Variants in NT5DC4 observed in about 807,000 individuals in gnomAD.
The protein encoded by NT5DC4 is 5'-nucleotidase domain-containing protein 4.
In NT5DC4, 44 loss-of-function variants were observed where a neutral mutation model predicts 26.6. The ratio of observed to expected loss-of-function variants is 1.65; its 90% CI spans 1.30 to 2.13. The LOEUF is 2.13. Among genes scored for constraint, NT5DC4 ranks in the 30% most tolerant of loss-of-function variants. The pLI is 0.00. For synonymous variants in NT5DC4, 157 were observed against 86.7 expected, an observed-to-expected ratio of 1.81 and a Z score of -4.51; for missense variants, 399 against 228.1, an observed-to-expected ratio of 1.75 and a Z score of -4.83.
intron 6 of NT5DC4, 90 bp from the exon 7 acceptor site, chr2:112,722,991 C>T (rs1677136777): frequency 2.0e-6 from 1 of 489,088 alleles, no homozygotes; most frequent in African/African-American, 2.5e-5. Flanking sequence ...CCCAGTGTGG[C>T]TGGTGGGGTT....
chr2:112,721,312 A>G (rs2063918), intron 1 of NT5DC4, among the ~76,000 whole-genome samples, 159 bp downstream of exon 1: 145,871 of 152,322 alleles, frequency 0.96, 70,156 homozygotes, highest in East Asian at 1. Flanking sequence ...CATAGCTGTA[A>G]CAACCCATCA....
intron 16 of NT5DC4, among the ~76,000 whole-genome samples, chr2:112,735,488 C>CT (rs1024894374): frequency 3.3e-5 from 4 of 121,700 alleles, no homozygotes; most frequent in African/African-American, 9.9e-5. Context: ...ATCCTCCCCC[C>CT]CCTTTTTTTC....
At chr2:112,729,522 G>A (rs1368237842) in intron 15 of NT5DC4, 105 bp from the exon 16 acceptor site, 10 of 680,988 alleles carry the variant, frequency 1.5e-5, no homozygotes, top group Non-Finnish European at 2.8e-5. Context: ...TCGTTGGGCA[G>A]GAAGTTGGCA....
chr2:112,729,661 C>T lies in NT5DC4; in HGVS notation c.1301C>T (p.Ala434Val). The change falls in exon 16 of 17, where the codon GCC becomes GTC. Residue 434 changes from alanine (A) to valine (V), a missense_variant. By Grantham distance (64) the Ala-to-Val change is moderately conservative (BLOSUM62 0). Coordinates refer to ENST00000688554, the MANE Select transcript of NT5DC4 (RefSeq NM_001393655.1). ...GAGTCAGTTGTGGAGCAAGAACAGG[C>T]CAATCTAGACCCTGCCTCCTGCCTC... ...PHESVVEQEQ[A>V]NLDPASCLLS... 1.4e-6 allele frequency: 1 copy of T among 717,918 alleles called. No homozygotes were observed. 44.5% of individuals were successfully genotyped at this position (717,918 alleles called of 1,614,324 possible).
downstream of NT5DC4, chr2:112,742,802 A>T: frequency 6.6e-7 from 1 of 1,516,386 alleles, no homozygotes; most frequent in Non-Finnish European, 9.0e-7. Context: ...ACAAAATCTT[A>T]AAAACATTCA....
At chr2:112,725,847 C>T (rs1375436330) in intron 13 of NT5DC4, among the ~76,000 whole-genome samples, 1 of 141,586 alleles carries the variant, frequency 7.1e-6, no homozygotes, top group Non-Finnish European at 1.5e-5. Flanking sequence ...CCTGACCCCA[C>T]CCTCCCCACC....
At chr2:112,741,380 A>G (rs1475235118), downstream of NT5DC4, among the ~76,000 whole-genome samples, 1 of 152,172 alleles carries the variant, frequency 6.6e-6, no homozygotes, top group Non-Finnish European at 1.5e-5. Flanking sequence ...TTGACTCACT[A>G]AGGTTAACTC....
At chr2:112,723,509 A>C (rs1243847991) in intron 8 of NT5DC4, 41 bp downstream of exon 8, 1 of 715,616 alleles carries the variant, frequency 1.4e-6, no homozygotes, top group Non-Finnish European at 2.6e-6. Context: ...ATCACCCCCA[A>C]AGCAGCAGGG....
chr2:112,741,000 A>C, downstream of NT5DC4: 4 of 1,607,798 alleles, frequency 2.5e-6, no homozygotes, highest in Non-Finnish European at 3.4e-6. Context: ...AAGAGTCAGA[A>C]GTAATCCCTG....
chr2:112,723,636 C>A, intron 8 of NT5DC4, 83 bp from the exon 9 acceptor site: 1 of 676,130 alleles, frequency 1.5e-6, no homozygotes, highest in South Asian at 1.7e-5. Context: ...GGGGTGGGCT[C>A]CCAGAAGGCT....
At chr2:112,734,857 T>G (rs926621918) in intron 16 of NT5DC4, among the ~76,000 whole-genome samples, 4 of 151,404 alleles carry the variant, frequency 2.6e-5, no homozygotes, top group Non-Finnish European at 2.9e-5. Context: ...ATCTGGCTAA[T>G]TTTTGTATTT....
At chr2:112,741,063 AG>A, downstream of NT5DC4, 2 of 1,150,906 alleles carry the variant, frequency 1.7e-6, no homozygotes, top group Admixed American at 3.7e-5. Flanking sequence ...TACTTCAACT[AG>A]AAGTCAATAA....
intron 16 of NT5DC4, among the ~76,000 whole-genome samples, chr2:112,732,987 G>C (rs1678657469): frequency 6.6e-6 from 1 of 152,132 alleles, no homozygotes; most frequent in Non-Finnish European, 1.5e-5. Context: ...TCACCGTTGT[G>C]TCTCTGGCAT....
intron 16 of NT5DC4, among the ~76,000 whole-genome samples, chr2:112,733,724 G>T (rs1329375948): frequency 6.6e-6 from 1 of 152,188 alleles, no homozygotes; most frequent in Non-Finnish European, 1.5e-5. Flanking sequence ...TTCCATTTGG[G>T]ACTAGTGACA....
At chr2:112,727,930 C>T (rs543716528) in intron 15 of NT5DC4, among the ~76,000 whole-genome samples, 11 of 152,382 alleles carry the variant, frequency 7.2e-5, no homozygotes, top group Admixed American at 2.6e-4. Flanking sequence ...GCCTCGACCT[C>T]CTGTACTTCC....
chr2:112,719,782 C>A (rs1012766503), upstream of NT5DC4, among the ~76,000 whole-genome samples: 4 of 151,408 alleles, frequency 2.6e-5, no homozygotes, highest in African/African-American at 9.7e-5. Context: ...CTGCGCCAGG[C>A]CCTTTTCTTT....
At chr2:112,734,260 G>C (rs942619671) in intron 16 of NT5DC4, among the ~76,000 whole-genome samples, 3 of 150,612 alleles carry the variant, frequency 2.0e-5, no homozygotes, top group Non-Finnish European at 3.0e-5. Context: ...ACTGGTTTGA[G>C]AAAAAACAGA....
At chr2:112,742,312 G>C (rs925102196), downstream of NT5DC4, 1 of 706,260 alleles carries the variant, frequency 1.4e-6, no homozygotes, top group Non-Finnish European at 2.6e-6. Context: ...AGATTCCTGA[G>C]ATAGCTATTT....
At chr2:112,728,368 G>C (rs1317178208) in intron 15 of NT5DC4, among the ~76,000 whole-genome samples, 2 of 152,174 alleles carry the variant, frequency 1.3e-5, no homozygotes, top group Admixed American at 6.5e-5. Flanking sequence ...AAACACTCTG[G>C]CTGGTTTTCC....
Sources: gnomAD v4.1 joint callset for allele counts (sites outside exome capture counted in the v4.1 genomes callset) on GRCh38, gnomAD v4.1.1 for gene constraint, MANE v1.5 for transcripts, NCBI Gene and HGNC (gene_info 2026-07-23, HGNC 2026-07-21) for gene names.